The following NOS1AP variants were observed in gnomAD, a reference collection of about 807,000 sequenced individuals.
NOS1AP encodes nitric oxide synthase 1 adaptor protein, also known as carboxyl-terminal PDZ ligand of neuronal nitric oxide synthase protein.
Under a neutral mutation model 56.2 loss-of-function variants are expected in NOS1AP, and 21 were observed. The ratio of observed to expected loss-of-function variants is 0.37; its 90% confidence interval spans 0.26 to 0.54. The LOEUF (loss-of-function observed/expected upper bound fraction) is 0.54, where lower values mean the gene tolerates loss of function less well. Ranked by LOEUF, NOS1AP falls within the 20% of genes least tolerant of loss-of-function variation. The probability of loss-of-function intolerance (pLI) is 0.84; values close to 1 mark genes in which losing one functional copy is unlikely to be tolerated. For missense variants in NOS1AP, 522 were observed against 657.8 expected (o/e 0.79, Z 2.26); for synonymous variants, 270 against 274.6 (o/e 0.98, Z 0.17).
chr1:162,195,523 C>T (rs1651776454), intron 2 of NOS1AP, among the ~76,000 whole-genome samples: 1 of 152,194 alleles, frequency 6.6e-6, no homozygotes, highest in Non-Finnish European at 1.5e-5. Context: ...TCAAAATTCT[C>T]TAGCTGACTT....
In NOS1AP at chr1:162,070,836, A is replaced by G. The variant is rs115918131; in HGVS notation, c.105+554A>G. 2.8e-3 allele frequency among the ~76,000 whole-genome samples: 420 copies of G among 152,192 alleles called. 4 individuals are homozygous for G. Among genetic ancestry groups the G allele is most frequent in the African/African-American group, 9.7e-3 (404 of 41,510 alleles). On this transcript the variant is annotated intron_variant, in intron 1 of 9. Coordinates refer to ENST00000361897, the MANE Select transcript of NOS1AP (RefSeq NM_014697.3). ...TTTGCCAGACTCCTCTGCATGTGCC[A>G]GTCACTGAAGGGAGTGGTGAAAGCT...
intron 3 of NOS1AP, among the ~76,000 whole-genome samples, chr1:162,295,079 C>T (rs892052807): frequency 6.6e-6 from 1 of 152,172 alleles, no homozygotes; most frequent in Non-Finnish European, 1.5e-5. Context: ...CCTGTGGGTT[C>T]CCTGGGCTGT....
chr1:162,216,022 C>T (rs1379447453), intron 2 of NOS1AP, among the ~76,000 whole-genome samples: 2 of 152,160 alleles, frequency 1.3e-5, no homozygotes, highest in Admixed American at 6.5e-5. Flanking sequence ...TGTGGGATGG[C>T]GAGTGGAGAC....
chr1:162,352,712 G>T (rs553740705), intron 6 of NOS1AP, among the ~76,000 whole-genome samples: 1 of 151,978 alleles, frequency 6.6e-6, no homozygotes, highest in African/African-American at 2.4e-5. Flanking sequence ...CTCCTACATC[G>T]CTTCTTATAA....
At chr1:162,304,629 T>C (rs989494482) in intron 4 of NOS1AP, among the ~76,000 whole-genome samples, 1 of 152,172 alleles carries the variant, frequency 6.6e-6, no homozygotes, top group Non-Finnish European at 1.5e-5. Context: ...TTGATAGTCT[T>C]GTGGATGTCT....
chr1:162,264,889 C>A (rs1571173664), intron 2 of NOS1AP, among the ~76,000 whole-genome samples: 1 of 150,248 alleles, frequency 6.7e-6, no homozygotes, highest in East Asian at 2.0e-4. Context: ...TCTTGGCTTA[C>A]TGCAACTTCC....
At chr1:162,125,291 G>T (rs1648437855) in intron 1 of NOS1AP, among the ~76,000 whole-genome samples, 1 of 151,854 alleles carries the variant, frequency 6.6e-6, no homozygotes. Flanking sequence ...CCACCTCCAT[G>T]CCCAGCTAAT....
At chr1:162,089,812 G>A (rs1692088422) in intron 1 of NOS1AP, among the ~76,000 whole-genome samples, 1 of 152,176 alleles carries the variant, frequency 6.6e-6, no homozygotes, top group South Asian at 2.1e-4. Context: ...CTCCTCTAGA[G>A]CCTCTGGAGG....
chr1:162,240,642 T>G (rs144280920), intron 2 of NOS1AP, among the ~76,000 whole-genome samples: 148 of 152,314 alleles, frequency 9.7e-4, no homozygotes, highest in African/African-American at 3.4e-3. Flanking sequence ...AGATAAAACA[T>G]CAGCGTGTTA....
At chr1:162,254,362 T>G (rs912655133) in intron 2 of NOS1AP, among the ~76,000 whole-genome samples, 1 of 152,196 alleles carries the variant, frequency 6.6e-6, no homozygotes, top group East Asian at 1.9e-4. Context: ...GGGACTGACA[T>G]GAACCATTGT....
At chr1:162,090,205 G>C (rs1051500869) in intron 1 of NOS1AP, among the ~76,000 whole-genome samples, 1 of 151,530 alleles carries the variant, frequency 6.6e-6, no homozygotes, top group Non-Finnish European at 1.5e-5. Flanking sequence ...TATGCGAAAG[G>C]TCAAAACTGC....
chr1:162,203,628 C>A (rs182856326), intron 2 of NOS1AP, among the ~76,000 whole-genome samples: 3 of 152,282 alleles, frequency 2.0e-5, no homozygotes, highest in East Asian at 3.9e-4. Flanking sequence ...TTGACTTTGC[C>A]TCTGCTGTCT....
chr1:162,300,232 A>C (rs1364887039), intron 3 of NOS1AP, among the ~76,000 whole-genome samples: 1 of 152,150 alleles, frequency 6.6e-6, no homozygotes, highest in African/African-American at 2.4e-5. Context: ...CCAACTCCTC[A>C]TTCCTAGCTT....
intron 1 of NOS1AP, among the ~76,000 whole-genome samples, chr1:162,116,787 T>TA (rs1647975876): frequency 6.6e-6 from 1 of 152,198 alleles, no homozygotes; most frequent in Admixed American, 6.5e-5. Context: ...TCTTAGAAGT[T>TA]ACTGTGCACG....
chr1:162,136,018 A>G (rs6666571), intron 1 of NOS1AP, among the ~76,000 whole-genome samples: 6,596 of 152,290 alleles, frequency 0.043, 230 homozygotes, highest in East Asian at 0.18. Flanking sequence ...CTGGGAGTCT[A>G]GTGAAAGCTA....
intron 1 of NOS1AP, among the ~76,000 whole-genome samples, chr1:162,145,869 A>T (rs751288447): frequency 5.9e-5 from 9 of 152,166 alleles, no homozygotes; most frequent in Non-Finnish European, 1.2e-4. Context: ...GGGAGACCAG[A>T]CTGCATTTGG....
chr1:162,343,669 T>C (rs1157397823), intron 5 of NOS1AP, among the ~76,000 whole-genome samples, 166 bp from the exon 6 acceptor site: 3 of 152,288 alleles, frequency 2.0e-5, no homozygotes, highest in African/African-American at 7.2e-5. Flanking sequence ...AGTTTCTGTT[T>C]TCTGGAGTAT....
At position 162,368,438 on chromosome 1, in the gene NOS1AP, C is replaced by CAAAAAAAAAAA. The variant is rs3065060; in HGVS notation, c.*974_*984dup. The stretch of plus-strand genomic sequence containing the variant: ...GGGCAGTGGTGGTCAGTTTTTACTG[C>CAAAAAAAAAAA]AAAAAAAAAAAAAGAAAAAAGAGAA... On this transcript the variant is annotated 3_prime_UTR_variant, in exon 10 of 10. Transcript: ENST00000361897. 3 of 145,760 alleles carry CAAAAAAAAAAA rather than the reference C, an allele frequency of 2.1e-5. No homozygotes were observed. Among genetic ancestry groups the CAAAAAAAAAAA allele is most frequent in the African/African-American group, 7.8e-5 (3 of 38,504 alleles). 9.0% of individuals were successfully genotyped at this position (145,760 alleles called of 1,614,324 possible). A position where few individuals can be genotyped will look rare whatever the true frequency, so the allele number is the denominator to read the frequency against.
chr1:162,087,382 A>G (rs535981118), intron 1 of NOS1AP, among the ~76,000 whole-genome samples: 22 of 152,190 alleles, frequency 1.4e-4, no homozygotes, highest in African/African-American at 5.1e-4. Context: ...CCACCTCCCC[A>G]TTCTCATTTA....
Sources: allele counts gnomAD v4.1 joint callset (sites outside exome capture counted in the v4.1 genomes callset), GRCh38; gene constraint gnomAD v4.1.1; transcripts MANE v1.5; gene names NCBI Gene and HGNC (gene_info 2026-07-23, HGNC 2026-07-21).